SLC39A11: variants seen among roughly 807,000 people sequenced by gnomAD.
The protein encoded by SLC39A11 is zinc transporter ZIP11.
A neutral mutation model predicts 36.1 loss-of-function variants in SLC39A11; 33 were observed. The ratio of observed to expected loss-of-function variants is 0.91; its 90% confidence interval spans 0.69 to 1.22. The LOEUF (loss-of-function observed/expected upper bound fraction) is 1.22. SLC39A11 is among the 50% of genes most tolerant of loss of function. SLC39A11 has a pLI of 0.00. For missense variants in SLC39A11, 432 were observed against 430.3 expected (o/e 1.00, Z -0.03); for synonymous variants, 166 against 170.3 (o/e 0.97, Z 0.20).
rs77357145 is a variant in SLC39A11, at chr17:72,821,083, G to A, written c.601+28551C>T. Among the ~76,000 whole-genome samples, 4 of 151,132 alleles carry A rather than the reference G, an allele frequency of 2.6e-5. 1 individual carries two copies. Among genetic ancestry groups the A allele is most frequent in the East Asian group, 1.9e-4 (1 of 5,174 alleles). The stretch of plus-strand genomic sequence containing the variant: ...GATTAATATGTAGATGTCCCAACTC[G>A]CAATAACTCAGAATGTGAGGTTTTT... On this transcript the variant is annotated intron_variant, in intron 6 of 9. Transcript: ENST00000255559.
intron 5 of SLC39A11, among the ~76,000 whole-genome samples, chr17:72,895,033 G>T (rs1382772272): frequency 6.6e-6 from 1 of 150,614 alleles, no homozygotes; most frequent in African/African-American, 2.5e-5. Flanking sequence ...TTGCTTCATT[G>T]ATTAACTTAA....
intron 7 of SLC39A11, among the ~76,000 whole-genome samples, chr17:72,670,160 TACACACACACACACACAC>T (rs202032502): frequency 0.26 from 27,505 of 104,536 alleles, 2,961 homozygotes; most frequent in South Asian, 0.3. Context: ...ACATTTTATA[TACACACACACACACACAC>T]ACACACACAC....
chr17:72,925,878 G>A (rs1178561556), intron 5 of SLC39A11, among the ~76,000 whole-genome samples: 4 of 152,190 alleles, frequency 2.6e-5, no homozygotes, highest in Admixed American at 1.3e-4. Context: ...CAGCCAACCT[G>A]CAGCCTGCAT....
At chr17:72,760,690 T>C (rs576279285) in intron 6 of SLC39A11, among the ~76,000 whole-genome samples, 1 of 152,306 alleles carries the variant, frequency 6.6e-6, no homozygotes, top group Non-Finnish European at 1.5e-5. Flanking sequence ...GGCATCCTTT[T>C]CATTTTTATT....
At chr17:72,877,555 A>G (rs1400927096) in intron 5 of SLC39A11, among the ~76,000 whole-genome samples, 1 of 152,152 alleles carries the variant, frequency 6.6e-6, no homozygotes. Flanking sequence ...TTTTCCCCCC[A>G]TTTGCTCATG....
At chr17:72,829,256 C>T (rs979411833) in intron 6 of SLC39A11, among the ~76,000 whole-genome samples, 19 of 151,408 alleles carry the variant, frequency 1.3e-4, no homozygotes, top group South Asian at 4.2e-4. Context: ...GCTGAGGCAG[C>T]AGGAGGATCA....
intron 4 of SLC39A11, 97 bp from the exon 5 acceptor site, chr17:72,947,972 T>C: frequency 6.7e-7 from 1 of 1,488,862 alleles, no homozygotes; most frequent in Non-Finnish European, 9.2e-7. Flanking sequence ...TGCCAGTCTC[T>C]ACCAAGACCG....
intron 7 of SLC39A11, among the ~76,000 whole-genome samples, chr17:72,705,872 GTTAC>G (rs1484817042): frequency 6.6e-6 from 1 of 152,208 alleles, no homozygotes; most frequent in Non-Finnish European, 1.5e-5. Flanking sequence ...GCCTGGACCA[GTTAC>G]TTACTTTATT....
chr17:72,869,209 A>G (rs942269584), intron 5 of SLC39A11, among the ~76,000 whole-genome samples: 1 of 152,206 alleles, frequency 6.6e-6, no homozygotes, highest in Non-Finnish European at 1.5e-5. Flanking sequence ...AAGTAACAAG[A>G]AGCCCAGAGA....
At chr17:72,923,876 G>A (rs888286601) in intron 5 of SLC39A11, among the ~76,000 whole-genome samples, 10 of 152,112 alleles carry the variant, frequency 6.6e-5, no homozygotes, top group African/African-American at 1.9e-4. Flanking sequence ...CAGACGCAGT[G>A]GCTCACACCT....
chr17:72,670,318 T>A (rs928873407), intron 7 of SLC39A11, among the ~76,000 whole-genome samples: 9 of 151,242 alleles, frequency 6.0e-5, no homozygotes, highest in African/African-American at 2.2e-4. Flanking sequence ...CTACAGTGAG[T>A]TGTGATTGTG....
chr17:72,706,100 G>A (rs1225682624), intron 7 of SLC39A11, among the ~76,000 whole-genome samples: 3 of 152,186 alleles, frequency 2.0e-5, no homozygotes, highest in Non-Finnish European at 4.4e-5. Context: ...GGACCTGCTG[G>A]AACCGGCAAA....
At chr17:73,011,959 GC>G (rs1264099942) in intron 4 of SLC39A11, among the ~76,000 whole-genome samples, 1 of 150,890 alleles carries the variant, frequency 6.6e-6, no homozygotes, top group East Asian at 2.0e-4. Context: ...ACTGCCCCTG[GC>G]CCTAGTTGTA....
At chr17:72,696,314 A>G (rs1212115709) in intron 7 of SLC39A11, among the ~76,000 whole-genome samples, 1 of 152,016 alleles carries the variant, frequency 6.6e-6, no homozygotes, top group African/African-American at 2.4e-5. Flanking sequence ...CCTGTCCTCC[A>G]CCCCACAGGA....
At position 72,882,676 on chromosome 17, in the gene SLC39A11, T is replaced by C. The variant is rs1339541475; in HGVS notation, c.431-32872A>G. Among the ~76,000 whole-genome samples the C allele has an allele frequency of 2.0e-5, 3 of 152,332 alleles. No individual in the cohort carries two copies. In the East Asian group the frequency reaches 5.8e-4, roughly 29 times the overall value. On this transcript the variant is annotated intron_variant, in intron 5 of 9. Coordinates refer to ENST00000255559, the MANE Select transcript of SLC39A11 (RefSeq NM_139177.4). ...TATGCAACTGTTTAACCTAGTAGTC[T>C]TGAGTTTCATCTGGAACTCTAATCA... is the stretch of plus-strand genomic sequence containing the variant.
chr17:72,973,545 G>A (rs576026320), intron 4 of SLC39A11, among the ~76,000 whole-genome samples: 3 of 152,288 alleles, frequency 2.0e-5, no homozygotes, highest in Admixed American at 6.5e-5. Flanking sequence ...CTGTTAGAAA[G>A]ACAAAAGGAT....
chr17:72,723,872 GT>G (rs2073812959), intron 7 of SLC39A11, among the ~76,000 whole-genome samples: 1 of 152,172 alleles, frequency 6.6e-6, no homozygotes, highest in South Asian at 2.1e-4. Flanking sequence ...TGGCTATTAA[GT>G]TCTTCATTCT....
chr17:72,890,233 C>A (rs2081655063), intron 5 of SLC39A11, among the ~76,000 whole-genome samples: 1 of 151,608 alleles, frequency 6.6e-6, no homozygotes, highest in Non-Finnish European at 1.5e-5. Context: ...CCACTGCACT[C>A]CAGCTTGGGT....
At chr17:72,957,245 T>C (rs2086296420) in intron 4 of SLC39A11, among the ~76,000 whole-genome samples, 2 of 152,182 alleles carry the variant, frequency 1.3e-5, no homozygotes, top group African/African-American at 4.8e-5. Flanking sequence ...AATGGTACTT[T>C]TTGTTGGGAG....
Sources: allele counts gnomAD v4.1 joint callset (sites outside exome capture counted in the v4.1 genomes callset), GRCh38; gene constraint gnomAD v4.1.1; transcripts MANE v1.5; gene names NCBI Gene and HGNC (gene_info 2026-07-23, HGNC 2026-07-21).